Variants in GRIK2 observed in about 807,000 individuals in gnomAD.
GRIK2 encodes the protein glutamate receptor ionotropic, kainate 2.
A neutral mutation model predicts 100.3 loss-of-function variants in GRIK2; 32 were observed. The observed-to-expected ratio is 0.32, with a 90% CI of 0.24 to 0.43. GRIK2 has a LOEUF of 0.43. GRIK2 is among the 20% of genes least tolerant of loss of function. GRIK2 has a pLI of 1.00. For synonymous variants in GRIK2, 417 were observed against 389.4 expected, an observed-to-expected ratio of 1.07 and a Z score of -0.83; for missense variants, 843 against 1,114.9, an observed-to-expected ratio of 0.76 and a Z score of 3.47.
Position 101,772,423 on chromosome 6 carries a change from A to T in GRIK2, c.952-27225A>T, listed in dbSNP as rs567946910. 1.9e-4 allele frequency among the ~76,000 whole-genome samples: 29 copies of T among 152,328 alleles called. No individual in the cohort carries two copies. In the South Asian group the frequency reaches 3.7e-3, roughly 20 times the overall value. ...TTGAGAAGGCAGAACAACAGTTCCC[A>T]CTGAAGATGCCACTGAGTTACTAGG... On this transcript the variant is annotated intron_variant, in intron 7 of 16. Coordinates refer to ENST00000369134, the MANE Select transcript of GRIK2 (RefSeq NM_021956.5).
At chr6:101,487,942 A>G (rs1162279069) in intron 2 of GRIK2, among the ~76,000 whole-genome samples, 1 of 145,722 alleles carries the variant, frequency 6.9e-6, no homozygotes, top group Non-Finnish European at 1.5e-5. Flanking sequence ...CCACTACGGG[A>G]AAAAAAATCT....
At chr6:101,538,580 C>A (rs1775833636) in intron 2 of GRIK2, among the ~76,000 whole-genome samples, 1 of 150,832 alleles carries the variant, frequency 6.6e-6, no homozygotes, top group Non-Finnish European at 1.5e-5. Flanking sequence ...TTTTGTGAGT[C>A]AGTAATATTG....
At chr6:101,489,549 C>T (rs1328096908) in intron 2 of GRIK2, among the ~76,000 whole-genome samples, 1 of 146,044 alleles carries the variant, frequency 6.8e-6, no homozygotes, top group Non-Finnish European at 1.5e-5. Flanking sequence ...ACTATGATAA[C>T]ATAGTGTTAG....
chr6:101,795,189 T>C (rs1486149285), intron 7 of GRIK2, among the ~76,000 whole-genome samples: 2 of 152,118 alleles, frequency 1.3e-5, no homozygotes, highest in Admixed American at 1.3e-4. Context: ...TTTTTTTGGA[T>C]GGATTTTCAT....
intron 7 of GRIK2, among the ~76,000 whole-genome samples, chr6:101,758,006 T>G (rs578228104): frequency 6.6e-6 from 1 of 152,226 alleles, no homozygotes; most frequent in African/African-American, 2.4e-5. Flanking sequence ...GGCAGGAAGA[T>G]TGCTTGAGTC....
intron 12 of GRIK2, among the ~76,000 whole-genome samples, chr6:101,906,329 T>G (rs1788216614): frequency 6.7e-6 from 1 of 149,128 alleles, no homozygotes; most frequent in South Asian, 2.1e-4. Context: ...TCCTGCAGAT[T>G]ATTAAACTTT....
In GRIK2 at chr6:101,789,526, C is replaced by A. The variant is rs1383847884; in HGVS notation, c.952-10122C>A. Among the ~76,000 whole-genome samples, 3 of 152,144 alleles carry A rather than the reference C, an allele frequency of 2.0e-5. No individual in the cohort carries two copies. The East Asian group carries it at 5.8e-4, about 29-fold the overall frequency. ...AGATCAGATAGTTGTAGATACATGG[C>A]GTTATTTCTGAGGGCTCTGTTCTGT... On this transcript the variant is annotated intron_variant, in intron 7 of 16. Coordinates refer to ENST00000369134, the MANE Select transcript of GRIK2 (RefSeq NM_021956.5).
intron 14 of GRIK2, among the ~76,000 whole-genome samples, chr6:101,977,559 G>T (rs1368690349): frequency 1.3e-5 from 2 of 151,930 alleles, no homozygotes; most frequent in African/African-American, 4.8e-5. Context: ...CCCACATCAG[G>T]CAGGCATGGC....
intron 2 of GRIK2, among the ~76,000 whole-genome samples, chr6:101,513,789 T>A (rs1774439542): frequency 1.3e-5 from 2 of 152,140 alleles, no homozygotes; most frequent in South Asian, 4.1e-4. Context: ...CCTTAATAAC[T>A]TATATTAGCA....
At chr6:101,901,710 A>T (rs1787856601) in intron 12 of GRIK2, among the ~76,000 whole-genome samples, 1 of 151,882 alleles carries the variant, frequency 6.6e-6, no homozygotes, top group Admixed American at 6.6e-5. Flanking sequence ...AAAGTTGATT[A>T]TTTTATTGTT....
At chr6:102,037,086 A>G (rs1770310333) in intron 15 of GRIK2, among the ~76,000 whole-genome samples, 1 of 151,318 alleles carries the variant, frequency 6.6e-6, no homozygotes, top group Non-Finnish European at 1.5e-5. Flanking sequence ...TTGGAAAATC[A>G]TCTGAAATGT....
intron 2 of GRIK2, chr6:101,430,591 A>G (rs916700501): frequency 2.5e-5 from 4 of 161,138 alleles, no homozygotes; most frequent in African/African-American, 7.2e-5. Flanking sequence ...TTGTGCCTCC[A>G]GATAGCACTG....
chr6:101,618,014 G>A (rs562434579), intron 2 of GRIK2, among the ~76,000 whole-genome samples: 13 of 151,652 alleles, frequency 8.6e-5, no homozygotes, highest in African/African-American at 3.1e-4. Flanking sequence ...TGTCTGTTGA[G>A]TGTGTGTCTT....
intron 11 of GRIK2, among the ~76,000 whole-genome samples, chr6:101,863,845 A>T (rs773232610): frequency 2.0e-5 from 3 of 152,222 alleles, no homozygotes; most frequent in Non-Finnish European, 4.4e-5. Context: ...CATTGAATGA[A>T]GATGTGGATT....
chr6:101,740,993 A>G (rs1296388498), intron 7 of GRIK2, among the ~76,000 whole-genome samples: 1 of 152,164 alleles, frequency 6.6e-6, no homozygotes, highest in Admixed American at 6.6e-5. Context: ...TATCAGCCTG[A>G]CATCTGCAAA....
At chr6:101,436,409 A>C (rs1476424859) in intron 2 of GRIK2, among the ~76,000 whole-genome samples, 1 of 152,098 alleles carries the variant, frequency 6.6e-6, no homozygotes, top group African/African-American at 2.4e-5. Flanking sequence ...TTGTTAAAAA[A>C]ATTTTTTTAG....
intron 2 of GRIK2, among the ~76,000 whole-genome samples, 172 bp from the exon 3 acceptor site, chr6:101,621,777 C>T (rs534942538): frequency 2.6e-5 from 4 of 152,058 alleles, no homozygotes; most frequent in African/African-American, 7.2e-5. Context: ...AAGCACACAC[C>T]CCATGTACTT....
At chr6:102,036,703 TAC>T (rs1770292897) in intron 15 of GRIK2, among the ~76,000 whole-genome samples, 3 of 151,342 alleles carry the variant, frequency 2.0e-5, no homozygotes, top group African/African-American at 7.3e-5. Flanking sequence ...TTAGAAGAAA[TAC>T]AGTCCTTCAG....
intron 11 of GRIK2, among the ~76,000 whole-genome samples, chr6:101,883,329 A>C (rs960119904): frequency 2.7e-5 from 4 of 150,084 alleles, no homozygotes; most frequent in Admixed American, 6.7e-5. Context: ...TAATATAATA[A>C]AGGGGGTCCT....
Sources: gnomAD v4.1 joint callset for allele counts (sites outside exome capture counted in the v4.1 genomes callset) on GRCh38, gnomAD v4.1.1 for gene constraint, MANE v1.5 for transcripts, NCBI Gene and HGNC (gene_info 2026-07-23, HGNC 2026-07-21) for gene names.